Variants in SLC44A5 observed in about 807,000 individuals in gnomAD.
SLC44A5 encodes solute carrier family 44 member 5, also known as choline transporter-like protein 5.
Under a neutral mutation model 101.8 loss-of-function variants are expected in SLC44A5, and 57 were observed. The observed-to-expected ratio is 0.56, with a 90% confidence interval of 0.45 to 0.70. The LOEUF (loss-of-function observed/expected upper bound fraction) is 0.70, where lower values mean the gene tolerates loss of function less well. SLC44A5 is among the 30% of genes least tolerant of loss of function. The pLI is 0.00. For synonymous variants in SLC44A5, 281 were observed against 290.9 expected (o/e 0.97, Z 0.35); for missense variants, 737 against 853.1 (o/e 0.86, Z 1.70).
Position 75,400,507 on chromosome 1 carries a change from G to A in SLC44A5, c.14-3886C>T, listed in dbSNP as rs563271040. ...AAACCCAAAGGTTACGCATTTTTAA[G>A]TACGACCTTTACTTCTATTCACTCT... On this transcript the variant is annotated intron_variant, in intron 2 of 23. Coordinates refer to ENST00000370859, the MANE Select transcript of SLC44A5 (RefSeq NM_001130058.2). Among the ~76,000 whole-genome samples the A allele has an allele frequency of 3.3e-5, 5 of 152,296 alleles. No individual in the cohort carries two copies. The East Asian group carries it at 7.7e-4, about 24-fold the overall frequency.
At chr1:75,470,457 G>A (rs1007761788) in intron 2 of SLC44A5, among the ~76,000 whole-genome samples, 7 of 152,148 alleles carry the variant, frequency 4.6e-5, no homozygotes, top group Admixed American at 2.6e-4. Flanking sequence ...TAACATAACG[G>A]TAGAATTTAT....
chr1:75,402,392 C>T (rs566521886), intron 2 of SLC44A5: 3 of 374,056 alleles, frequency 8.0e-6, no homozygotes, highest in East Asian at 1.7e-4. Flanking sequence ...CAAGAGGTGG[C>T]TGGCAAGATG....
chr1:75,412,466 G>A (rs920089823), intron 2 of SLC44A5, among the ~76,000 whole-genome samples: 1 of 152,030 alleles, frequency 6.6e-6, no homozygotes, highest in Non-Finnish European at 1.5e-5. Context: ...CAGCAGACCA[G>A]GAAGTTACAC....
At chr1:75,647,978 C>T in the SLC44A5 span, among the ~76,000 whole-genome samples, 4 of 152,188 alleles carry the variant, frequency 2.6e-5, no homozygotes, top group East Asian at 5.8e-4. Context: ...TGTTTTGAAA[C>T]GTGAGAAAGA....
At chr1:75,296,301 A>G (rs1161131805) in intron 5 of SLC44A5, among the ~76,000 whole-genome samples, 1 of 152,164 alleles carries the variant, frequency 6.6e-6, no homozygotes, top group Non-Finnish European at 1.5e-5. Context: ...AATGGGAAAA[A>G]TGACAAAGAA....
intron 4 of SLC44A5, among the ~76,000 whole-genome samples, chr1:75,337,461 G>T (rs983551106): frequency 1.3e-4 from 20 of 152,266 alleles, no homozygotes; most frequent in African/African-American, 3.6e-4. Flanking sequence ...TCTTATCGGA[G>T]AGCTTTCATT....
At chr1:75,472,402 A>C (rs1667162445) in intron 2 of SLC44A5, among the ~76,000 whole-genome samples, 3 of 152,170 alleles carry the variant, frequency 2.0e-5, no homozygotes, top group Admixed American at 2.0e-4. Context: ...CATTAATCTC[A>C]ACAAGCCTGA....
chr1:75,216,639 T>C (rs1025825992), intron 18 of SLC44A5, among the ~76,000 whole-genome samples: 11 of 151,904 alleles, frequency 7.2e-5, no homozygotes, highest in Admixed American at 5.9e-4. Context: ...TTTATATATA[T>C]ATAATAGCCA....
chr1:75,666,921 T>C, the SLC44A5 span, among the ~76,000 whole-genome samples: 2 of 152,188 alleles, frequency 1.3e-5, no homozygotes. Flanking sequence ...AAACTAGGTA[T>C]TGATGGAACG....
Position 75,361,614 on chromosome 1 carries a change from T to C in SLC44A5, c.53-21984A>G, listed in dbSNP as rs917089626. 3.9e-4 allele frequency among the ~76,000 whole-genome samples: 60 copies of C among 152,260 alleles called. 1 individual carries two copies. Among genetic ancestry groups the C allele is most frequent in the Admixed American group, 3.9e-3 (60 of 15,284 alleles). On this transcript the variant is annotated intron_variant, in intron 3 of 23. Coordinates refer to ENST00000370859, the MANE Select transcript of SLC44A5 (RefSeq NM_001130058.2). ...ATCTATTGAGATAATCATTTAGTTT[T>C]TGTGCTTCATTCTGCTAATGTAGGG...
the SLC44A5 span, among the ~76,000 whole-genome samples, chr1:75,712,112 C>T: frequency 6.6e-6 from 1 of 152,168 alleles, no homozygotes; most frequent in South Asian, 2.1e-4. Context: ...CCTAGGAAAT[C>T]CTACTCTTGC....
At chr1:75,354,943 T>A (rs918518730) in intron 3 of SLC44A5, among the ~76,000 whole-genome samples, 2 of 152,158 alleles carry the variant, frequency 1.3e-5, no homozygotes, top group African/African-American at 4.8e-5. Context: ...ACTACCTTCT[T>A]CTACTTAGGT....
the SLC44A5 span, among the ~76,000 whole-genome samples, chr1:75,719,632 A>G: frequency 6.6e-6 from 1 of 152,180 alleles, no homozygotes; most frequent in Non-Finnish European, 1.5e-5. Context: ...TGCTTACTCG[A>G]ATAGGCTCCT....
chr1:75,634,343 A>G, the SLC44A5 span, among the ~76,000 whole-genome samples: 39,745 of 151,898 alleles, frequency 0.26, 6,473 homozygotes, highest in East Asian at 0.68. Flanking sequence ...TGTGAATCCA[A>G]CTGGTCCTGG....
In SLC44A5 at chr1:75,330,106, T is replaced by TACAC. The variant is rs59962302; in HGVS notation, c.101+9472_101+9475dup. Among the ~76,000 whole-genome samples, 581 of 128,602 alleles carry TACAC rather than the reference T, an allele frequency of 4.5e-3. 1 individual carries two copies. The highest frequency in any genetic ancestry group is 9.9e-3 in the South Asian group (38 of 3,822). 84.4% of individuals were successfully genotyped at this position (128,602 alleles called of 152,430 possible). On this transcript the variant is annotated intron_variant, in intron 4 of 23. Transcript: ENST00000370859. ...GTGTGGCAAATGAAATATATATATA[T>TACAC]ACACACACACACACACACACACACA...
At chr1:75,398,482 G>T in intron 2 of SLC44A5, 1 of 746,436 alleles carries the variant, frequency 1.3e-6, no homozygotes, top group Non-Finnish European at 1.6e-6. Flanking sequence ...CACAGATGAA[G>T]TTAAATCCTC....
At chr1:75,543,284 A>G (rs754737170) in intron 1 of SLC44A5, among the ~76,000 whole-genome samples, 6 of 152,058 alleles carry the variant, frequency 3.9e-5, no homozygotes, top group Non-Finnish European at 8.8e-5. Context: ...AGGCACCCCT[A>G]GCTCTTATGT....
chr1:75,577,862 G>A (rs1401298298), intron 1 of SLC44A5, among the ~76,000 whole-genome samples: 1 of 152,064 alleles, frequency 6.6e-6, no homozygotes. Context: ...CATACTAAGT[G>A]TACAATAAAT....
chr1:75,294,337 TGAG>T (rs1323673526), intron 5 of SLC44A5, among the ~76,000 whole-genome samples: 1 of 152,138 alleles, frequency 6.6e-6, no homozygotes, highest in African/African-American at 2.4e-5. Flanking sequence ...AGATAAGTGT[TGAG>T]GAGATGTGGA....
Sources: allele counts gnomAD v4.1 joint callset (sites outside exome capture counted in the v4.1 genomes callset), GRCh38; gene constraint gnomAD v4.1.1; transcripts MANE v1.5; gene names NCBI Gene and HGNC (gene_info 2026-07-23, HGNC 2026-07-21).